KIF2A: variants seen among roughly 807,000 people sequenced by gnomAD.
KIF2A encodes the protein kinesin family member 2A.
Under a neutral mutation model 100.2 loss-of-function variants are expected in KIF2A, and 22 were observed. That is an observed-to-expected ratio of 0.22 (90% CI 0.16 to 0.31). The LOEUF (loss-of-function observed/expected upper bound fraction) is 0.31. KIF2A is among the 10% of genes least tolerant of loss of function. The probability of loss-of-function intolerance (pLI) is 1.00; values close to 1 mark genes in which losing one functional copy is unlikely to be tolerated. For missense variants in KIF2A, 495 were observed against 898.7 expected, an observed-to-expected ratio of 0.55 and a Z score of 5.74; for synonymous variants, 268 against 285.9, an observed-to-expected ratio of 0.94 and a Z score of 0.63.
At chr5:62,373,604 T>C in intron 17 of KIF2A, 83 bp from the exon 18 acceptor site, 1 of 931,762 alleles carries the variant, frequency 1.1e-6, no homozygotes, top group South Asian at 1.5e-5. Context: ...TTAACTGAAT[T>C]GCGTGTATAT....
chr5:62,390,895 C>G lies in KIF2A; in HGVS notation c.*5326C>G, dbSNP rs753351247. ...AATTACCTGATGAAGTCATCTATGT[C>G]CATGGAACGGGCCCGTTTGTCACTA... On this transcript the variant is annotated 3_prime_UTR_variant, in exon 21 of 21. Transcript: ENST00000407818. 1 of 1,611,966 alleles carries G rather than the reference C, an allele frequency of 6.2e-7. No homozygotes were observed. The highest frequency in any genetic ancestry group is 8.5e-7 in the Non-Finnish European group (1 of 1,179,802).
chr5:62,306,433 C>A lies in KIF2A; in HGVS notation c.-40C>A, dbSNP rs961164893. The A allele has an allele frequency of 3.6e-5, 43 of 1,181,354 alleles. No individual in the cohort carries two copies. The highest frequency in any genetic ancestry group is 5.0e-5 in the Non-Finnish European group (42 of 842,486). The allele number at this position is 1,181,354 out of a possible 1,614,324, so 73.2% of individuals were successfully genotyped here. A position where few individuals can be genotyped will look rare whatever the true frequency, so the allele number is the denominator to read the frequency against. ...CTCCCCGCCTTTTCCGCCCTCCGGT[C>A]CCCCTCCCTCGGCCCGCTGCTGCTG... On this transcript the variant is annotated 5_prime_UTR_variant, in exon 1 of 21. Transcript: ENST00000407818.
At chr5:62,378,343 C>T (rs1561281991) in intron 19 of KIF2A, among the ~76,000 whole-genome samples, 1 of 152,058 alleles carries the variant, frequency 6.6e-6, no homozygotes, top group East Asian at 1.9e-4. Context: ...AATGTCCTAT[C>T]ATGGTGATAT....
At chr5:62,329,087 C>T (rs542656283) in intron 1 of KIF2A, among the ~76,000 whole-genome samples, 5 of 152,078 alleles carry the variant, frequency 3.3e-5, no homozygotes, top group African/African-American at 7.2e-5. Context: ...GTTGTATTTT[C>T]GTAATGAAAA....
intron 6 of KIF2A, among the ~76,000 whole-genome samples, chr5:62,353,591 T>C (rs1747959515): frequency 6.6e-6 from 1 of 152,184 alleles, no homozygotes; most frequent in Admixed American, 6.5e-5. Flanking sequence ...TATTGGTATG[T>C]GTTAACGCTA....
rs766759237 is a variant in KIF2A, at chr5:62,385,503, T to A, written c.2169T>A (p.Arg723=). Residue 723 remains arginine, a synonymous_variant, in exon 21 of 21, where the codon CGT becomes CGA. Coordinates refer to ENST00000407818, the MANE Select transcript of KIF2A (RefSeq NM_001098511.3). ...TELRDKVKSF[R]AALQEEEQAS... is the part of the protein sequence containing the mutation. Reference sequence around the variant, plus strand: ...TCCAAGATAAAGTGAAATCTTTCCGTGCAGCTCTACAAGAGGAGGAACAAG... The same window carrying A: ...TCCAAGATAAAGTGAAATCTTTCCGAGCAGCTCTACAAGAGGAGGAACAAG... 7.6e-6 allele frequency: 12 copies of A among 1,588,844 alleles called. No homozygotes were observed. In the South Asian group the frequency reaches 1.1e-4, roughly 15 times the overall value.
At position 62,347,284 on chromosome 5, in the gene KIF2A, C is replaced by T. The variant is rs188744210; in HGVS notation, c.159+60C>T. 3.7e-4 allele frequency: 325 copies of T among 884,052 alleles called. 3 individuals carry two copies. In the African/African-American group the frequency reaches 5.2e-3, roughly 14 times the overall value. The allele number at this position is 884,052 out of a possible 1,614,324, so 54.8% of individuals were successfully genotyped here. ...TGCAATCAAGATTCTGAATATAAAA[C>T]AAAACAGAAAAGTACATAATGTTAT... On this transcript the variant is annotated intron_variant, in intron 2 of 20. Coordinates refer to ENST00000407818, the MANE Select transcript of KIF2A (RefSeq NM_001098511.3).
intron 1 of KIF2A, chr5:62,308,441 C>T (rs769297818): frequency 4.0e-6 from 4 of 1,003,332 alleles, no homozygotes; most frequent in Non-Finnish European, 4.5e-6. Context: ...AAGATATCTG[C>T]ACTCTCGCGT....
intron 1 of KIF2A, among the ~76,000 whole-genome samples, chr5:62,314,292 C>T (rs904774747): frequency 1.3e-5 from 2 of 151,986 alleles, no homozygotes; most frequent in African/African-American, 4.8e-5. Flanking sequence ...CATGATGAGG[C>T]TCTATTTCTA....
At chr5:62,342,380 C>T (rs1421724915) in intron 1 of KIF2A, among the ~76,000 whole-genome samples, 1 of 152,186 alleles carries the variant, frequency 6.6e-6, no homozygotes, top group Non-Finnish European at 1.5e-5. Context: ...CTGTGGCAGC[C>T]ATGCAGGTGC....
At chr5:62,318,037 T>C (rs1443945860) in intron 1 of KIF2A, among the ~76,000 whole-genome samples, 2 of 151,942 alleles carry the variant, frequency 1.3e-5, no homozygotes, top group African/African-American at 4.8e-5. Flanking sequence ...AGCAACTTGC[T>C]AAAGTGCTGA....
chr5:62,357,605 C>A (rs562578905), intron 7 of KIF2A, 86 bp from the exon 8 acceptor site: 1 of 639,514 alleles, frequency 1.6e-6, no homozygotes. Flanking sequence ...ATTTCTAAAA[C>A]CCCTGGAGGA....
At chr5:62,364,861 G>A (rs931176927) in intron 14 of KIF2A, among the ~76,000 whole-genome samples, 7 of 152,152 alleles carry the variant, frequency 4.6e-5, no homozygotes, top group African/African-American at 1.7e-4. Flanking sequence ...TTGGGAGGCC[G>A]AGGCGGGTGG....
chr5:62,340,630 CCTT>C lies in KIF2A; in HGVS notation c.65-6496_65-6494del, dbSNP rs543487082. Among the ~76,000 whole-genome samples the C allele has an allele frequency of 2.8e-4, 43 of 152,268 alleles. No individual in the cohort carries two copies. In the East Asian group the frequency reaches 3.5e-3, roughly 12 times the overall value. ...TTCTCCCAGTCATCCAGGCTTGAAA[CCTT>C]CTTGTTATGCCTGTATGTTGTCACC... is the stretch of plus-strand genomic sequence containing the variant. On this transcript the variant is annotated intron_variant, in intron 1 of 20. Transcript: ENST00000407818.
intron 18 of KIF2A, among the ~76,000 whole-genome samples, chr5:62,376,710 C>T (rs573620849): frequency 2.6e-5 from 4 of 151,932 alleles, no homozygotes; most frequent in Non-Finnish European, 5.9e-5. Flanking sequence ...AGTGAGCCAC[C>T]ACACCCAGCC....
Position 62,360,320 on chromosome 5 carries a change from G to C in KIF2A, c.873-922G>C, listed in dbSNP as rs1452011913. Among the ~76,000 whole-genome samples, 4 of 152,024 alleles carry C rather than the reference G, an allele frequency of 2.6e-5. No individual in the cohort carries two copies. In the East Asian group the frequency reaches 7.7e-4, roughly 29 times the overall value. ...CATACTTTTTAGTGTACTGCTCAGG[G>C]GAAAAGTACTTCTTATACCTTCCCA... On this transcript the variant is annotated intron_variant, in intron 9 of 20. Transcript: ENST00000407818.
Position 62,306,423 on chromosome 5 carries a change from G to A in KIF2A, c.-50G>A. On this transcript the variant is annotated 5_prime_UTR_variant, in exon 1 of 21. Coordinates refer to ENST00000407818, the MANE Select transcript of KIF2A (RefSeq NM_001098511.3). ...ACCCCGCCCCCTCCCCGCCTTTTCC[G>A]CCCTCCGGTCCCCCTCCCTCGGCCC... 7.2e-6 allele frequency: 3 copies of A among 415,678 alleles called. No individual in the cohort carries two copies. The highest frequency in any genetic ancestry group is 7.3e-6 in the Non-Finnish European group (2 of 274,296). 25.7% of individuals were successfully genotyped at this position (415,678 alleles called of 1,614,324 possible).
intron 1 of KIF2A, among the ~76,000 whole-genome samples, chr5:62,323,955 GC>G (rs1746235767): frequency 6.6e-6 from 1 of 151,920 alleles, no homozygotes; most frequent in African/African-American, 2.4e-5. Context: ...GATCCCTTGA[GC>G]CCCAGAGGTT....
In KIF2A at chr5:62,348,079, C is replaced by G; in HGVS notation, c.191C>G (p.Pro64Arg). ...CTGGAGAGCATCTTTTCACTTAACC[C>G]TGACCTTGTTCCTGATGAAGAAATT... ...IDLESIFSLN[P>R]DLVPDEEIEP... The change falls in exon 3 of 21, where the codon CCT becomes CGT. Residue 64 changes from proline (P) to arginine (R), a missense_variant. Physicochemically the swap from Pro to Arg is moderately radical, Grantham distance 103 (BLOSUM62 -2). Coordinates refer to ENST00000407818, the MANE Select transcript of KIF2A (RefSeq NM_001098511.3). 6.2e-7 allele frequency: 1 copy of G among 1,613,806 alleles called. No homozygotes were observed. Among genetic ancestry groups the G allele is most frequent in the Non-Finnish European group, 8.5e-7 (1 of 1,179,772 alleles).
Sources: allele counts gnomAD v4.1 joint callset (sites outside exome capture counted in the v4.1 genomes callset), GRCh38; gene constraint gnomAD v4.1.1; transcripts MANE v1.5; gene names NCBI Gene and HGNC (gene_info 2026-07-23, HGNC 2026-07-21).